The following DACH2 variants were observed in gnomAD, a reference collection of about 807,000 sequenced individuals.
DACH2 encodes the protein dachshund homolog 2.
DACH2 carries 17 observed loss-of-function variants against 35.8 expected under a neutral mutation model. That is an observed-to-expected ratio of 0.48 (90% confidence interval 0.33 to 0.71). DACH2 has a LOEUF of 0.71. Ranked by LOEUF, DACH2 falls within the 30% of genes least tolerant of loss-of-function variation. The pLI, the probability that DACH2 is intolerant of heterozygous loss-of-function variation, is 0.02. For synonymous variants in DACH2, 195 were observed against 177.3 expected (o/e 1.10, Z -0.79); for missense variants, 469 against 472.7 (o/e 0.99, Z 0.07).
chrX:86,803,742 T>C (rs1220377015), intron 7 of DACH2, among the ~76,000 whole-genome samples: 3 of 110,590 alleles, frequency 2.7e-5, no homozygotes, highest in African/African-American at 6.6e-5. Context: ...AAAGATTCAA[T>C]TGTACTGGAA....
chrX:86,705,294 A>T (rs1431073734), intron 5 of DACH2, among the ~76,000 whole-genome samples: 1 of 109,414 alleles, frequency 9.1e-6, no homozygotes, highest in Non-Finnish European at 1.9e-5. Context: ...ACTCCGGAAA[A>T]TTTGGGAGGT....
chrX:86,724,783 C>T (rs775364101), intron 6 of DACH2, among the ~76,000 whole-genome samples: 4 of 111,256 alleles, frequency 3.6e-5, no homozygotes, highest in African/African-American at 6.5e-5. Flanking sequence ...TAGGTTTTCT[C>T]GACTTTTGGT....
At chrX:86,264,503 G>T (rs1010735006) in intron 1 of DACH2, among the ~76,000 whole-genome samples, 1 of 110,455 alleles carries the variant, frequency 9.1e-6, no homozygotes, top group Non-Finnish European at 1.9e-5. Context: ...ATAGTATAAA[G>T]ATATTCAAAA....
intron 1 of DACH2, among the ~76,000 whole-genome samples, chrX:86,230,921 C>T (rs1277289120): frequency 8.9e-6 from 1 of 111,801 alleles, no homozygotes; most frequent in Admixed American, 9.5e-5. Flanking sequence ...TCTTATTTAT[C>T]TTTTCAAAGA....
chrX:86,490,098 C>T (rs1316368357), intron 2 of DACH2, among the ~76,000 whole-genome samples: 1 of 111,847 alleles, frequency 8.9e-6, no homozygotes, highest in Non-Finnish European at 1.9e-5. Flanking sequence ...CATCCATGTG[C>T]TTTTTTATTC....
chrX:86,306,219 C>T (rs1039769152), intron 1 of DACH2, among the ~76,000 whole-genome samples: 5 of 111,630 alleles, frequency 4.5e-5, no homozygotes, highest in African/African-American at 1.6e-4. Context: ...AGATGAATAG[C>T]TAAAGAAAAT....
chrX:86,187,906 T>C (rs1362636171), intron 1 of DACH2, among the ~76,000 whole-genome samples: 3 of 111,959 alleles, frequency 2.7e-5, no homozygotes, highest in Admixed American at 9.5e-5. Context: ...AGACATAGGA[T>C]AAAGGAAATA....
chrX:86,421,134 A>AGTAAATT (rs1385864922), intron 2 of DACH2, among the ~76,000 whole-genome samples: 1 of 111,883 alleles, frequency 8.9e-6, no homozygotes, highest in Non-Finnish European at 1.9e-5. Flanking sequence ...TTTCAGAATA[A>AGTAAATT]GTAAATTATA....
At chrX:86,694,681 T>A (rs1359209860) in intron 4 of DACH2, among the ~76,000 whole-genome samples, 1 of 112,082 alleles carries the variant, frequency 8.9e-6, no homozygotes, top group Admixed American at 9.5e-5. Flanking sequence ...ATATAGTATA[T>A]GTATGTTAAA....
At chrX:86,570,947 G>A (rs1255805746) in intron 3 of DACH2, among the ~76,000 whole-genome samples, 1 of 110,703 alleles carries the variant, frequency 9.0e-6, no homozygotes, top group Non-Finnish European at 1.9e-5. Context: ...CAATTCTAAT[G>A]AATTACATTA....
intron 3 of DACH2, among the ~76,000 whole-genome samples, chrX:86,596,571 A>T (rs190733071): frequency 1.8e-5 from 2 of 110,377 alleles, no homozygotes; most frequent in African/African-American, 3.3e-5. Context: ...TAATTATTTA[A>T]TTTTTTGTCT....
At chrX:86,363,863 G>A (rs2035771286) in intron 1 of DACH2, among the ~76,000 whole-genome samples, 1 of 111,348 alleles carries the variant, frequency 9.0e-6, no homozygotes. Flanking sequence ...TTGATTAACA[G>A]CCATTTCTAA....
intron 2 of DACH2, among the ~76,000 whole-genome samples, chrX:86,472,512 TAA>T (rs761850757): frequency 4.5e-5 from 5 of 111,744 alleles, no homozygotes; most frequent in Non-Finnish European, 7.5e-5. Context: ...TACTAAAAAA[TAA>T]AAGACCCAAG....
At chrX:86,810,574 A>G (rs1569484800) in intron 7 of DACH2, among the ~76,000 whole-genome samples, 1 of 111,931 alleles carries the variant, frequency 8.9e-6, no homozygotes, top group Admixed American at 9.6e-5. Context: ...TCATCATTAT[A>G]AAGTCATTCC....
intron 3 of DACH2, among the ~76,000 whole-genome samples, chrX:86,586,301 T>A (rs933573567): frequency 1.8e-5 from 2 of 111,807 alleles, no homozygotes; most frequent in African/African-American, 6.5e-5. Flanking sequence ...TCCTTAATGA[T>A]TCTGGATATT....
chrX:86,749,399 T>A (rs1312218924), intron 7 of DACH2, among the ~76,000 whole-genome samples: 2 of 111,712 alleles, frequency 1.8e-5, no homozygotes, highest in African/African-American at 3.3e-5. Flanking sequence ...CTTGAACACT[T>A]AGAGGCCACT....
chrX:86,672,866 T>G (rs1295386695), intron 4 of DACH2, among the ~76,000 whole-genome samples: 1 of 111,403 alleles, frequency 9.0e-6, no homozygotes, highest in African/African-American at 3.3e-5. Context: ...CCCAGAATAG[T>G]AGATCCACTG....
At chrX:86,718,098 A>G (rs1376146943) in intron 6 of DACH2, among the ~76,000 whole-genome samples, 2 of 110,779 alleles carry the variant, frequency 1.8e-5, no homozygotes, top group African/African-American at 6.6e-5. Context: ...GTCATAGTGA[A>G]TGCACTAATT....
intron 1 of DACH2, chrX:86,262,931 C>T (rs2033652454): frequency 1.4e-6 from 1 of 691,570 alleles, no homozygotes; most frequent in South Asian, 7.4e-5. Context: ...TCTCAGTCTC[C>T]CTCCACATTA....
Sources: gnomAD v4.1 joint callset for allele counts (sites outside exome capture counted in the v4.1 genomes callset) on GRCh38, gnomAD v4.1.1 for gene constraint, MANE v1.5 for transcripts, NCBI Gene and HGNC (gene_info 2026-07-23, HGNC 2026-07-21) for gene names.